Variants in CTNNA3 observed in about 807,000 individuals in gnomAD.
CTNNA3 encodes the protein catenin alpha-3.
A neutral mutation model predicts 95.7 loss-of-function variants in CTNNA3; 76 were observed. That is an observed-to-expected ratio of 0.79 (90% CI 0.66 to 0.96). The LOEUF is 0.96. CTNNA3 is among the 40% of genes least tolerant of loss of function. The pLI is 0.00. For missense variants in CTNNA3, 1,191 were observed against 1,089.8 expected (o/e 1.09, Z -1.31); for synonymous variants, 431 against 374.4 (o/e 1.15, Z -1.74).
At chr10:67,134,359 T>G (rs746601287) in intron 7 of CTNNA3, among the ~76,000 whole-genome samples, 7 of 152,142 alleles carry the variant, frequency 4.6e-5, no homozygotes, top group Non-Finnish European at 7.4e-5. Context: ...TATCCCATGA[T>G]GAGCTCTGCT....
chr10:66,822,743 C>A (rs1842345903), intron 7 of CTNNA3, among the ~76,000 whole-genome samples: 1 of 152,096 alleles, frequency 6.6e-6, no homozygotes, highest in South Asian at 2.1e-4. Flanking sequence ...AGAGAACAAA[C>A]AAATACTTGT....
intron 1 of CTNNA3, among the ~76,000 whole-genome samples, chr10:67,711,553 G>A (rs1841108573): frequency 6.7e-6 from 1 of 149,992 alleles, no homozygotes; most frequent in Non-Finnish European, 1.5e-5. Context: ...ATGATTTAGG[G>A]TATCTGGCAG....
At chr10:66,592,244 T>A (rs1283513061) in intron 10 of CTNNA3, among the ~76,000 whole-genome samples, 3 of 152,078 alleles carry the variant, frequency 2.0e-5, no homozygotes, top group Non-Finnish European at 4.4e-5. Flanking sequence ...AGGATTGTTG[T>A]GAGAATACAA....
At chr10:66,313,311 T>C (rs1374498270) in intron 12 of CTNNA3, among the ~76,000 whole-genome samples, 1 of 152,218 alleles carries the variant, frequency 6.6e-6, no homozygotes, top group Non-Finnish European at 1.5e-5. Flanking sequence ...TTTGCTTCTG[T>C]TTCACAGTGT....
At chr10:67,519,875 G>A (rs968226850) in intron 5 of CTNNA3, among the ~76,000 whole-genome samples, 1 of 152,114 alleles carries the variant, frequency 6.6e-6, no homozygotes, top group African/African-American at 2.4e-5. Flanking sequence ...ATCAGGTTTT[G>A]GAGCTTTAAA....
At chr10:67,291,021 A>G (rs1839816724) in intron 5 of CTNNA3, among the ~76,000 whole-genome samples, 1 of 152,038 alleles carries the variant, frequency 6.6e-6, no homozygotes, top group South Asian at 2.1e-4. Flanking sequence ...TGATAGAAAA[A>G]CATAAGGTTG....
chr10:66,033,228 T>C (rs923351499), intron 15 of CTNNA3, among the ~76,000 whole-genome samples: 3 of 151,012 alleles, frequency 2.0e-5, no homozygotes, highest in Non-Finnish European at 4.4e-5. Context: ...CATGCTGGGT[T>C]CACGCCATTC....
intron 10 of CTNNA3, among the ~76,000 whole-genome samples, chr10:66,605,720 T>A (rs760664697): frequency 6.6e-6 from 1 of 152,046 alleles, no homozygotes; most frequent in African/African-American, 2.4e-5. Context: ...GCTTCATAAT[T>A]GAGGTAGAAA....
intron 3 of CTNNA3, among the ~76,000 whole-genome samples, chr10:67,601,257 A>G (rs1293426862): frequency 1.3e-5 from 2 of 152,174 alleles, no homozygotes; most frequent in Admixed American, 6.6e-5. Context: ...GGTTTCATGG[A>G]ATATAATTTT....
At chr10:67,705,423 A>G (rs1390454745) in intron 1 of CTNNA3, among the ~76,000 whole-genome samples, 7 of 149,436 alleles carry the variant, frequency 4.7e-5, no homozygotes, top group African/African-American at 1.7e-4. Flanking sequence ...TGTGGCACAT[A>G]TACACCATGG....
chr10:66,743,636 G>C (rs1849400051), intron 9 of CTNNA3, among the ~76,000 whole-genome samples: 2 of 152,096 alleles, frequency 1.3e-5, no homozygotes, highest in South Asian at 4.1e-4. Flanking sequence ...GGGGAAAACT[G>C]TATAGGAAGA....
chr10:66,537,360 A>G (rs946781070), intron 10 of CTNNA3, among the ~76,000 whole-genome samples: 1 of 152,246 alleles, frequency 6.6e-6, no homozygotes, highest in African/African-American at 2.4e-5. Flanking sequence ...ATGTTTGAAT[A>G]CAAACACAAG....
chr10:66,364,352 C>T (rs533946104), intron 12 of CTNNA3, among the ~76,000 whole-genome samples: 11 of 151,798 alleles, frequency 7.2e-5, no homozygotes, highest in South Asian at 2.1e-4. Context: ...AGACCAACTT[C>T]GGCAACACAG....
At chr10:67,599,452 G>C (rs1843015250) in intron 3 of CTNNA3, among the ~76,000 whole-genome samples, 1 of 151,898 alleles carries the variant, frequency 6.6e-6, no homozygotes, top group Non-Finnish European at 1.5e-5. Flanking sequence ...GCAAATAAAG[G>C]GTGTAATGCA....
intron 13 of CTNNA3, among the ~76,000 whole-genome samples, chr10:66,147,978 A>C (rs544392189): frequency 2.6e-5 from 4 of 151,648 alleles, no homozygotes; most frequent in Admixed American, 2.0e-4. Flanking sequence ...ACTAGATGCT[A>C]TCCCCATTTT....
chr10:66,754,609 T>C (rs1285597506), intron 9 of CTNNA3, among the ~76,000 whole-genome samples: 1 of 152,048 alleles, frequency 6.6e-6, no homozygotes, highest in Non-Finnish European at 1.5e-5. Context: ...ATTTTGCGAA[T>C]CATATATCTG....
chr10:67,040,925 T>C (rs1055380791), intron 7 of CTNNA3, among the ~76,000 whole-genome samples: 2 of 152,152 alleles, frequency 1.3e-5, no homozygotes, highest in South Asian at 4.1e-4. Context: ...TTCAAGGAGC[T>C]TGCAATCCTT....
intron 15 of CTNNA3, among the ~76,000 whole-genome samples, chr10:66,020,313 G>T (rs1405480601): frequency 6.6e-6 from 1 of 152,176 alleles, no homozygotes; most frequent in African/African-American, 2.4e-5. Flanking sequence ...GGAGGGAGTG[G>T]CTGGCACATA....
intron 3 of CTNNA3, among the ~76,000 whole-genome samples, chr10:67,600,200 C>T (rs1391012947): frequency 1.3e-5 from 2 of 151,956 alleles, no homozygotes; most frequent in Admixed American, 6.6e-5. Context: ...AAAATATGAC[C>T]TCTAATTCAC....
Sources: allele counts gnomAD v4.1 joint callset (sites outside exome capture counted in the v4.1 genomes callset), GRCh38; gene constraint gnomAD v4.1.1; transcripts MANE v1.5; gene names NCBI Gene and HGNC (gene_info 2026-07-23, HGNC 2026-07-21).